PKD1L1: variants seen among roughly 807,000 people sequenced by gnomAD.
PKD1L1 encodes polycystin-1-like protein 1.
Under a neutral mutation model 323.4 loss-of-function variants are expected in PKD1L1, and 236 were observed. That is an observed-to-expected ratio of 0.73 (90% confidence interval 0.66 to 0.81). The LOEUF (loss-of-function observed/expected upper bound fraction) is 0.81. Ranked by LOEUF, PKD1L1 falls within the 40% of genes least tolerant of loss-of-function variation. The pLI, the probability that PKD1L1 is intolerant of heterozygous loss-of-function variation, is 0.00. For synonymous variants in PKD1L1, 1,344 were observed against 1,335.0 expected, an observed-to-expected ratio of 1.01 and a Z score of -0.15; for missense variants, 3,320 against 3,508.0, an observed-to-expected ratio of 0.95 and a Z score of 1.35.
chr7:47,814,092 G>T, intron 47 of PKD1L1, 78 bp from the exon 48 acceptor site: 2 of 1,192,534 alleles, frequency 1.7e-6, no homozygotes, highest in South Asian at 1.3e-5. Context: ...CTCAAAAGGC[G>T]TGGGGCTCTG....
intron 55 of PKD1L1, 59 bp from the exon 56 acceptor site, chr7:47,792,856 C>T: frequency 6.8e-7 from 1 of 1,481,172 alleles, no homozygotes; most frequent in Non-Finnish European, 9.3e-7. Context: ...TCCCCCTTTC[C>T]TCATTATGTG....
chr7:47,924,773 T>A (rs564421833), intron 7 of PKD1L1, among the ~76,000 whole-genome samples: 3 of 152,160 alleles, frequency 2.0e-5, no homozygotes, highest in Non-Finnish European at 4.4e-5. Context: ...CAAGATGGAG[T>A]CAGTCATGCT....
intron 21 of PKD1L1, among the ~76,000 whole-genome samples, chr7:47,880,249 T>TAGATAGATAGATAG (rs1424463564): frequency 3.0e-5 from 3 of 101,672 alleles, no homozygotes; most frequent in African/African-American, 1.4e-4. Context: ...ATAAATAAGA[T>TAGATAGATAGATAG]ATATATATAT....
chr7:47,899,814 G>T (rs1787042224), intron 13 of PKD1L1, among the ~76,000 whole-genome samples: 1 of 152,120 alleles, frequency 6.6e-6, no homozygotes, highest in Non-Finnish European at 1.5e-5. Context: ...AAATTAGCCA[G>T]GTGTGGTGGC....
chr7:47,823,521 C>A (rs530052827), intron 45 of PKD1L1, among the ~76,000 whole-genome samples: 4 of 152,272 alleles, frequency 2.6e-5, no homozygotes, highest in Admixed American at 2.6e-4. Flanking sequence ...TCAACATACT[C>A]TTACTGTAAA....
At chr7:47,957,862 A>AAAATATATATAT in the PKD1L1 span, among the ~76,000 whole-genome samples, 2 of 134,666 alleles carry the variant, frequency 1.5e-5, no homozygotes, top group African/African-American at 2.7e-5. Flanking sequence ...ATTAAAAAAA[A>AAAATATATATAT]ATATATATAT....
At chr7:47,865,397 G>T in intron 25 of PKD1L1, 125 bp from the exon 26 acceptor site, 1 of 789,976 alleles carries the variant, frequency 1.3e-6, no homozygotes, top group Non-Finnish European at 2.0e-6. Context: ...TTGGCCAAAA[G>T]ACCAATTGGA....
intron 7 of PKD1L1, among the ~76,000 whole-genome samples, chr7:47,920,292 C>CA (rs1432038461): frequency 1.2e-5 from 1 of 86,424 alleles, no homozygotes; most frequent in African/African-American, 5.7e-5. Flanking sequence ...AACAAACAAA[C>CA]AAAAACAAAA....
chr7:47,835,150 G>GC lies in PKD1L1; in HGVS notation c.6036dup (p.Leu2013AlafsTer21). 1 of 1,599,226 alleles carries GC rather than the reference G, an allele frequency of 6.3e-7. No individual in the cohort carries two copies. Among genetic ancestry groups the GC allele is most frequent in the Non-Finnish European group, 8.5e-7 (1 of 1,172,614 alleles). The stretch of plus-strand genomic sequence containing the variant: ...GCAGGTACCTTGCTGAGCCTGAAGA[G>GC]CAGGGACAAGAGCTGGGCCCCTGGA... On this transcript the variant is annotated frameshift_variant, in exon 38 of 57. Transcript: ENST00000289672. LOFTEE classifies it high-confidence loss of function.
chr7:47,857,579 G>T, intron 28 of PKD1L1, 26 bp downstream of exon 28: 1 of 1,580,630 alleles, frequency 6.3e-7, no homozygotes, highest in Non-Finnish European at 8.7e-7. Flanking sequence ...GTCATTAGAA[G>T]TGGCAGGTCA....
intron 41 of PKD1L1, among the ~76,000 whole-genome samples, 155 bp downstream of exon 41, chr7:47,832,935 C>T (rs968383592): frequency 3.9e-5 from 6 of 152,230 alleles, no homozygotes; most frequent in African/African-American, 1.2e-4. Flanking sequence ...AGCTGGACGC[C>T]TCAGTTTTGG....
intron 41 of PKD1L1, among the ~76,000 whole-genome samples, chr7:47,831,718 C>T (rs1785352373): frequency 1.3e-5 from 2 of 152,210 alleles, no homozygotes; most frequent in Admixed American, 1.3e-4. Flanking sequence ...CAACTCCTGC[C>T]TTGCTGTGCC....
chr7:47,834,295 T>C (rs1403517398), intron 40 of PKD1L1, 44 bp downstream of exon 40: 3 of 1,593,126 alleles, frequency 1.9e-6, no homozygotes, highest in Non-Finnish European at 2.6e-6. Flanking sequence ...ATTGTTTGCA[T>C]TTCATGCTAG....
chr7:47,831,476 T>A, intron 41 of PKD1L1, 124 bp from the exon 42 acceptor site: 1 of 1,295,760 alleles, frequency 7.7e-7, no homozygotes, highest in Non-Finnish European at 1.1e-6. Context: ...GGCATTTGGT[T>A]AAATGTGATT....
At chr7:47,847,347 A>T (rs1785687169) in intron 31 of PKD1L1, among the ~76,000 whole-genome samples, 1 of 152,180 alleles carries the variant, frequency 6.6e-6, no homozygotes, top group Non-Finnish European at 1.5e-5. Flanking sequence ...GTATGTTCCA[A>T]GTGCCCCCTG....
intron 7 of PKD1L1, among the ~76,000 whole-genome samples, chr7:47,921,915 C>T (rs1373750724): frequency 2.6e-5 from 4 of 151,320 alleles, no homozygotes; most frequent in Admixed American, 2.6e-4. Context: ...CCCTTTCCCC[C>T]TCTCCCTCTC....
chr7:47,948,005 T>A lies in PKD1L1; in HGVS notation c.44+392A>T, dbSNP rs1788136181. Among the ~76,000 whole-genome samples the A allele has an allele frequency of 2.0e-5, 3 of 152,088 alleles. No individual in the cohort carries two copies. The South Asian group carries it at 6.2e-4, about 32-fold the overall frequency. ...ATAAGACCCCTGGGCCAAGACCCCA[T>A]GATCTCTTCCTGTGCCAGGTTTCTC... On this transcript the variant is annotated intron_variant, in intron 1 of 56. Transcript: ENST00000289672.
intron 36 of PKD1L1, among the ~76,000 whole-genome samples, chr7:47,837,847 T>C (rs753110012): frequency 1.3e-5 from 2 of 152,218 alleles, no homozygotes; most frequent in Non-Finnish European, 2.9e-5. Context: ...TCTTATGGAA[T>C]ATGAGCAGAG....
At chr7:47,864,525 A>G (rs896909294) in intron 26 of PKD1L1, among the ~76,000 whole-genome samples, 1 of 151,814 alleles carries the variant, frequency 6.6e-6, no homozygotes, top group African/African-American at 2.4e-5. Context: ...ATCCATTTCT[A>G]CTTTGGGATT....
Sources: gnomAD v4.1 joint callset for allele counts (sites outside exome capture counted in the v4.1 genomes callset) on GRCh38, gnomAD v4.1.1 for gene constraint, MANE v1.5 for transcripts, NCBI Gene and HGNC (gene_info 2026-07-23, HGNC 2026-07-21) for gene names.